RPGRIP1L: variants seen among roughly 807,000 people sequenced by gnomAD.
RPGRIP1L encodes protein fantom.
In RPGRIP1L, 131 loss-of-function variants were observed where a neutral mutation model predicts 160.4. The observed-to-expected ratio is 0.82, with a 90% CI of 0.71 to 0.94. The LOEUF (loss-of-function observed/expected upper bound fraction) is 0.94, where lower values mean the gene tolerates loss of function less well. Ranked by LOEUF, RPGRIP1L falls within the 40% of genes least tolerant of loss-of-function variation. The pLI is 0.00. For missense variants in RPGRIP1L, 1,522 were observed against 1,535.8 expected (o/e 0.99, Z 0.15); for synonymous variants, 510 against 515.8 (o/e 0.99, Z 0.15).
chr16:53,604,536 G>A (rs8057581), intron 26 of RPGRIP1L, among the ~76,000 whole-genome samples: 57,876 of 152,040 alleles, frequency 0.38, 12,758 homozygotes, highest in African/African-American at 0.6. Flanking sequence ...AATTTAGCAC[G>A]TTCTAAATAC....
chr16:53,657,524 C>T lies in RPGRIP1L; in HGVS notation c.1510G>A (p.Glu504Lys). Reference sequence around the variant, plus strand: ...GTCTTTTCCAGCTCTTGCACCGTTTCTGCATGAGTTGCTTGCAGCTCTCTC... The same window carrying T: ...GTCTTTTCCAGCTCTTGCACCGTTTTTGCATGAGTTGCTTGCAGCTCTCTC... ...SMRELQATHAETVQELEKTRN... is the reference protein window; with the variant it reads ...SMRELQATHAKTVQELEKTRN... Residue 504 changes from glutamate to lysine, a missense_variant, in exon 13 of 27, where the codon GAA becomes AAA. Glu to Lys is a moderately conservative substitution (Grantham distance 56). Transcript: ENST00000647211. 2 of 1,612,636 alleles carry T rather than the reference C, an allele frequency of 1.2e-6. No homozygotes were observed. Among genetic ancestry groups the T allele is most frequent in the Non-Finnish European group, 1.7e-6 (2 of 1,178,996 alleles).
intron 7 of RPGRIP1L, among the ~76,000 whole-genome samples, chr16:53,674,580 G>C (rs1351667141): frequency 6.6e-6 from 1 of 152,006 alleles, no homozygotes; most frequent in Non-Finnish European, 1.5e-5. Flanking sequence ...TCAAATAAAA[G>C]AAAGTTTTAA....
Position 53,645,790 on chromosome 16 carries a change from C to A in RPGRIP1L, c.2518G>T (p.Asp840Tyr). The A allele has an allele frequency of 6.2e-7, 1 of 1,614,122 alleles. No individual in the cohort carries two copies. The highest frequency in any genetic ancestry group is 8.5e-7 in the Non-Finnish European group (1 of 1,180,004). Residue 840 changes from aspartate to tyrosine, a missense_variant, in exon 17 of 27, where the codon GAT becomes TAT. Physicochemically the swap from Asp to Tyr is radical, Grantham distance 160. Transcript: ENST00000647211. ...IPSSNDPQFDDHMYFPVPMNM... is the reference protein window; with the variant it reads ...IPSSNDPQFDYHMYFPVPMNM... ...ATTGGCACTGGGAAATACATATGATCATCAAACTGTGGATCATTGCTACTG... is the reference window on the plus strand; with the variant it reads ...ATTGGCACTGGGAAATACATATGATAATCAAACTGTGGATCATTGCTACTG...
chr16:53,619,132 T>G lies in RPGRIP1L; in HGVS notation c.3509A>C (p.Gln1170Pro). The G allele has an allele frequency of 6.2e-7, 1 of 1,614,108 alleles. No individual in the cohort carries two copies. Among genetic ancestry groups the G allele is most frequent in the Non-Finnish European group, 8.5e-7 (1 of 1,179,992 alleles). The stretch of plus-strand genomic sequence containing the variant: ...GAATCGACACTCAACAAACAGCCGT[T>G]GGATAGTGTCATCCATGGTTACTTG... ...DSQVTMDDTIQRLFVECRFYS... is the reference protein window; with the variant it reads ...DSQVTMDDTIPRLFVECRFYS... Residue 1170 changes from glutamine to proline, a missense_variant, in exon 24 of 27, where the codon CAA (glutamine) becomes CCA (proline). By Grantham distance (76) the Gln-to-Pro change is moderately conservative. Coordinates refer to ENST00000647211, the MANE Select transcript of RPGRIP1L (RefSeq NM_015272.5).
At chr16:53,701,600 A>G (rs1971399650) in intron 1 of RPGRIP1L, 1 of 151,422 alleles carries the variant, frequency 6.6e-6, no homozygotes, top group African/African-American at 2.4e-5. Context: ...GAATGAAGAT[A>G]CTCTAAAGGG....
chr16:53,625,606 AG>A (rs1237565593), intron 22 of RPGRIP1L, among the ~76,000 whole-genome samples: 3 of 150,976 alleles, frequency 2.0e-5, no homozygotes, highest in Non-Finnish European at 4.4e-5. Flanking sequence ...GGAAGTGAGG[AG>A]CCCCTCTGCC....
chr16:53,648,444 T>C lies in RPGRIP1L; in HGVS notation c.2304+520A>G, dbSNP rs548292843. 2.2e-4 allele frequency among the ~76,000 whole-genome samples: 34 copies of C among 152,348 alleles called. No individual in the cohort carries two copies. In the East Asian group the frequency reaches 5.4e-3, roughly 24 times the overall value. On this transcript the variant is annotated intron_variant, in intron 16 of 26. Coordinates refer to ENST00000647211, the MANE Select transcript of RPGRIP1L (RefSeq NM_015272.5). ...GAAATTTTTAACAAAAGTCTTTTGA[T>C]GTGTGACAGCAGTATTGTGATGATT...
intron 14 of RPGRIP1L, among the ~76,000 whole-genome samples, chr16:53,654,619 T>G (rs1302336975): frequency 6.6e-6 from 1 of 152,216 alleles, no homozygotes; most frequent in Non-Finnish European, 1.5e-5. Flanking sequence ...GTCAACATCT[T>G]AGGAGTTCCA....
intron 26 of RPGRIP1L, among the ~76,000 whole-genome samples, chr16:53,604,435 A>T (rs939643330): frequency 1.3e-5 from 2 of 152,248 alleles, no homozygotes; most frequent in African/African-American, 2.4e-5. Flanking sequence ...AACTTAACAA[A>T]TGGGACTAGG....
intron 6 of RPGRIP1L, among the ~76,000 whole-genome samples, chr16:53,683,502 T>C (rs143535568): frequency 4.7e-4 from 72 of 152,174 alleles, no homozygotes; most frequent in African/African-American, 1.6e-3. Context: ...AAAAATTCCT[T>C]TTCAGACAGA....
rs573723158 is a variant in RPGRIP1L, at chr16:53,611,575, C to T, written c.3617-524G>A. On this transcript the variant is annotated intron_variant, in intron 24 of 26. Coordinates refer to ENST00000647211, the MANE Select transcript of RPGRIP1L (RefSeq NM_015272.5). Reference sequence around the variant, plus strand: ...GCTGGGGAGGGGTATGGGAGAGAAACGTGCAGGGAGAGAAAGGCTTTTTAG... The same window carrying T: ...GCTGGGGAGGGGTATGGGAGAGAAATGTGCAGGGAGAGAAAGGCTTTTTAG... Among the ~76,000 whole-genome samples, 101 of 152,248 alleles carry T rather than the reference C, an allele frequency of 6.6e-4. 1 individual carries two copies. The highest frequency in any genetic ancestry group is 2.1e-3 in the African/African-American group (89 of 41,556).
At chr16:53,639,188 T>A (rs1266276412) in intron 19 of RPGRIP1L, among the ~76,000 whole-genome samples, 1 of 151,956 alleles carries the variant, frequency 6.6e-6, no homozygotes, top group African/African-American at 2.4e-5. Flanking sequence ...TGACTTTTAC[T>A]ATTTTTAAAA....
chr16:53,624,532 A>G (rs1964947960), intron 22 of RPGRIP1L, among the ~76,000 whole-genome samples: 1 of 151,820 alleles, frequency 6.6e-6, no homozygotes, highest in Non-Finnish European at 1.5e-5. Flanking sequence ...TGACAGAGCG[A>G]GACTCCACCT....
rs528481371 is a variant in RPGRIP1L at position 53,604,915 on chromosome 16, C to T, written c.3835+566G>A. ...ACATGTGGCCAGGCGTGGTGGCTCA[C>T]GCCTGTAGTCCGGGCATTTTGGGAG... On this transcript the variant is annotated intron_variant, in intron 26 of 26. Transcript: ENST00000647211. Among the ~76,000 whole-genome samples the T allele has an allele frequency of 2.0e-5, 3 of 152,276 alleles. No homozygotes were observed. The South Asian group carries it at 6.2e-4, about 32-fold the overall frequency.
chr16:53,648,289 A>C (rs1293857655), intron 16 of RPGRIP1L, among the ~76,000 whole-genome samples: 2 of 152,102 alleles, frequency 1.3e-5, no homozygotes, highest in African/African-American at 2.4e-5. Flanking sequence ...TTGCATTTAA[A>C]TTCCAAGTTC....
rs779226661 is a variant in RPGRIP1L, at chr16:53,673,029, AAG to A, written c.883-15_883-14del. ...GAGTTCTTTGCTTCTAAAAGATAAA[AAG>A]AACATCTTTCAAACATTATTTTTGA... On this transcript the variant is annotated splice_polypyrimidine_tract_variant and intron_variant, in intron 7 of 26. Transcript: ENST00000647211. 5.6e-6 allele frequency: 9 copies of A among 1,609,042 alleles called. No homozygotes were observed. The highest frequency in any genetic ancestry group is 3.3e-5 in the Admixed American group (2 of 59,802).
At position 53,637,698 on chromosome 16, in the gene RPGRIP1L, C is replaced by A; in HGVS notation, c.3217G>T (p.Glu1073Ter). ...TTAGTTTAAATAAGAAAGTCACCTT[C>A]TGGTTCCAAGTCCTCTGTTATTTCT... is the stretch of plus-strand genomic sequence containing the variant. ...ETEITEDLEPEVEEDMSASDS... is the reference protein window; with the variant it reads ...ETEITEDLEP Residue 1073 changes from glutamate (E) to a stop codon, truncating the protein, a stop_gained, in exon 21 of 27, where the codon GAA (glutamate) becomes TAA (stop). Coordinates refer to ENST00000647211, the MANE Select transcript of RPGRIP1L (RefSeq NM_015272.5). LOFTEE classifies it high-confidence loss of function. 1.2e-6 allele frequency: 2 copies of A among 1,607,964 alleles called. No homozygotes were observed. Among genetic ancestry groups the A allele is most frequent in the Non-Finnish European group, 1.7e-6 (2 of 1,179,610 alleles).
intron 4 of RPGRIP1L, 115 bp downstream of exon 4, chr16:53,691,951 C>T: frequency 1.1e-6 from 1 of 950,424 alleles, no homozygotes; most frequent in Non-Finnish European, 1.7e-6. Context: ...AATTATTTTT[C>T]TCTTCCTAAA....
intron 9 of RPGRIP1L, among the ~76,000 whole-genome samples, chr16:53,667,955 G>A (rs192921864): frequency 3.9e-5 from 6 of 152,174 alleles, no homozygotes; most frequent in Admixed American, 3.3e-4. Flanking sequence ...CTACTTGGGA[G>A]GCTGAGGTGG....
Sources: gnomAD v4.1 joint callset for allele counts (sites outside exome capture counted in the v4.1 genomes callset) on GRCh38, gnomAD v4.1.1 for gene constraint, MANE v1.5 for transcripts, NCBI Gene and HGNC (gene_info 2026-07-23, HGNC 2026-07-21) for gene names.